Variants in SEMA5A observed in about 807,000 individuals in gnomAD.
SEMA5A encodes the protein semaphorin 5A, also known as semaphorin-5A.
SEMA5A carries 55 observed loss-of-function variants against 135.5 expected under a neutral mutation model. The observed-to-expected ratio is 0.41, with a 90% CI of 0.33 to 0.51. The LOEUF is 0.51. SEMA5A is among the 20% of genes least tolerant of loss of function. The pLI is 0.37. For synonymous variants in SEMA5A, 580 were observed against 546.5 expected, an observed-to-expected ratio of 1.06 and a Z score of -0.85; for missense variants, 1,290 against 1,419.9, an observed-to-expected ratio of 0.91 and a Z score of 1.47.
intron 17 of SEMA5A, among the ~76,000 whole-genome samples, chr5:9,064,659 G>C (rs992047021): frequency 1.3e-5 from 2 of 152,144 alleles, no homozygotes; most frequent in East Asian, 3.9e-4. Context: ...AGGGAGCTAG[G>C]GGAGGGAGGT....
intron 3 of SEMA5A, among the ~76,000 whole-genome samples, chr5:9,364,234 A>C (rs1754820532): frequency 6.6e-6 from 1 of 152,202 alleles, no homozygotes; most frequent in Non-Finnish European, 1.5e-5. Flanking sequence ...TCAAAATCTG[A>C]ATTAAATCAG....
At chr5:9,129,932 A>G (rs2657033) in intron 13 of SEMA5A, among the ~76,000 whole-genome samples, 4,866 of 152,296 alleles carry the variant, frequency 0.032, 276 homozygotes, top group African/African-American at 0.11. Context: ...AAGCTAGTCC[A>G]GAGCCTATGA....
At chr5:9,366,419 C>T (rs1423886771) in intron 3 of SEMA5A, among the ~76,000 whole-genome samples, 1 of 149,810 alleles carries the variant, frequency 6.7e-6, no homozygotes, top group Non-Finnish European at 1.5e-5. Context: ...GATGGAGTCT[C>T]GCTCTGTCGC....
At chr5:9,476,561 A>C (rs1027499058) in intron 1 of SEMA5A, among the ~76,000 whole-genome samples, 3 of 152,144 alleles carry the variant, frequency 2.0e-5, no homozygotes, top group Non-Finnish European at 4.4e-5. Context: ...GACAGGCTGG[A>C]TGGAGTCATG....
chr5:9,414,733 T>C (rs986475912), intron 2 of SEMA5A, among the ~76,000 whole-genome samples: 47 of 152,352 alleles, frequency 3.1e-4, no homozygotes, highest in African/African-American at 1.0e-3. Flanking sequence ...TTTTACCTAG[T>C]ATCACACCAT....
At chr5:9,159,343 T>C (rs1196293851) in intron 11 of SEMA5A, among the ~76,000 whole-genome samples, 4 of 152,208 alleles carry the variant, frequency 2.6e-5, no homozygotes, top group African/African-American at 9.6e-5. Context: ...GAAGAGGTAG[T>C]TGTGCTTTGA....
chr5:9,140,560 C>T (rs564402797), intron 12 of SEMA5A, among the ~76,000 whole-genome samples: 1 of 152,328 alleles, frequency 6.6e-6, no homozygotes, highest in East Asian at 1.9e-4. Flanking sequence ...CCTGCTGTGA[C>T]TCCACCTGGC....
intron 1 of SEMA5A, among the ~76,000 whole-genome samples, chr5:9,539,241 C>T (rs1320896871): frequency 6.6e-6 from 1 of 152,202 alleles, no homozygotes; most frequent in Non-Finnish European, 1.5e-5. Flanking sequence ...GCTTCCTTCA[C>T]TTGGCACAAG....
At chr5:9,179,443 T>C (rs1744385465) in intron 11 of SEMA5A, among the ~76,000 whole-genome samples, 1 of 152,160 alleles carries the variant, frequency 6.6e-6, no homozygotes, top group Non-Finnish European at 1.5e-5. Flanking sequence ...AGGAAATTTA[T>C]CTGCTCCATG....
At chr5:9,192,464 C>T (rs1283938660) in intron 10 of SEMA5A, among the ~76,000 whole-genome samples, 1 of 152,122 alleles carries the variant, frequency 6.6e-6, no homozygotes. Flanking sequence ...ATGCATTGGT[C>T]TTGGAGCAGG....
chr5:9,150,297 T>C (rs1478421304), intron 12 of SEMA5A, among the ~76,000 whole-genome samples: 2 of 152,202 alleles, frequency 1.3e-5, no homozygotes, highest in Non-Finnish European at 2.9e-5. Flanking sequence ...TTAGTGAATG[T>C]GAACTCACTT....
intron 1 of SEMA5A, among the ~76,000 whole-genome samples, chr5:9,505,638 A>C (rs889572766): frequency 1.3e-5 from 2 of 152,196 alleles, no homozygotes; most frequent in Non-Finnish European, 1.5e-5. Context: ...GCCAGAACCC[A>C]AACATAGTCA....
intron 5 of SEMA5A, among the ~76,000 whole-genome samples, chr5:9,241,900 G>A (rs1261488217): frequency 4.6e-5 from 7 of 152,178 alleles, no homozygotes; most frequent in Non-Finnish European, 8.8e-5. Context: ...TCATAAAAAT[G>A]AAGAGAACAA....
At chr5:9,308,080 A>T (rs1579317918) in intron 5 of SEMA5A, among the ~76,000 whole-genome samples, 3 of 152,316 alleles carry the variant, frequency 2.0e-5, no homozygotes, top group South Asian at 2.1e-4. Context: ...AGTGGCAGAG[A>T]CTAGTGTCTG....
chr5:9,414,656 C>A (rs2126613723), intron 2 of SEMA5A, among the ~76,000 whole-genome samples: 1 of 152,302 alleles, frequency 6.6e-6, no homozygotes, highest in Non-Finnish European at 1.5e-5. Context: ...CCTACCAGAT[C>A]TATTCATTAG....
chr5:9,316,096 G>T (rs1228677902), intron 5 of SEMA5A, among the ~76,000 whole-genome samples: 2 of 152,038 alleles, frequency 1.3e-5, no homozygotes, highest in Non-Finnish European at 1.5e-5. Context: ...TCTACTCATG[G>T]ATTCTTATGT....
At chr5:9,365,869 A>G (rs895531165) in intron 3 of SEMA5A, among the ~76,000 whole-genome samples, 3 of 152,202 alleles carry the variant, frequency 2.0e-5, no homozygotes, top group African/African-American at 7.2e-5. Context: ...ACATGAAATA[A>G]AAACCAAGGG....
chr5:9,109,117 T>A (rs62356661), intron 15 of SEMA5A, among the ~76,000 whole-genome samples: 30,783 of 138,442 alleles, frequency 0.22, 3,557 homozygotes, highest in Non-Finnish European at 0.26. Context: ...CTCGGCTCAC[T>A]GCAAGCTCCG....
intron 1 of SEMA5A, among the ~76,000 whole-genome samples, chr5:9,537,894 C>T (rs372167617): frequency 6.6e-6 from 1 of 152,214 alleles, no homozygotes; most frequent in East Asian, 1.9e-4. Flanking sequence ...GCCTGGACCA[C>T]ATCCCCAAAG....
Sources: allele counts gnomAD v4.1 joint callset (sites outside exome capture counted in the v4.1 genomes callset), GRCh38; gene constraint gnomAD v4.1.1; transcripts MANE v1.5; gene names NCBI Gene and HGNC (gene_info 2026-07-23, HGNC 2026-07-21).